Variants in VPS53 observed in about 807,000 individuals in gnomAD.
VPS53 encodes vacuolar protein sorting-associated protein 53 homolog.
A neutral mutation model predicts 107.0 loss-of-function variants in VPS53; 70 were observed. The ratio of observed to expected loss-of-function variants is 0.65; its 90% CI spans 0.54 to 0.80. The LOEUF (loss-of-function observed/expected upper bound fraction) is 0.80. Ranked by LOEUF, VPS53 falls within the 30% of genes least tolerant of loss-of-function variation. The pLI is 0.00. For missense variants in VPS53, 917 were observed against 1,049.4 expected (o/e 0.87, Z 1.74); for synonymous variants, 409 against 393.3 (o/e 1.04, Z -0.47).
At chr17:708,369 G>A (rs955207311) in intron 2 of VPS53, among the ~76,000 whole-genome samples, 30 of 152,172 alleles carry the variant, frequency 2.0e-4, no homozygotes, top group Admixed American at 1.1e-3. Context: ...GACAGCAGAC[G>A]TCAGCATTTT....
intron 4 of VPS53, among the ~76,000 whole-genome samples, chr17:695,127 G>A (rs754179720): frequency 3.4e-4 from 52 of 152,330 alleles, no homozygotes; most frequent in South Asian, 8.3e-4. Flanking sequence ...TCTCTGGTAA[G>A]TCAAGGGAGA....
chr17:706,909 C>T (rs531599386), intron 2 of VPS53, among the ~76,000 whole-genome samples: 77 of 152,282 alleles, frequency 5.1e-4, no homozygotes, highest in Middle Eastern at 3.4e-3. Flanking sequence ...TGTAGTCTCT[C>T]CCCACCTCCA....
At chr17:648,735 T>G (rs878962999) in intron 7 of VPS53, among the ~76,000 whole-genome samples, 2 of 142,896 alleles carry the variant, frequency 1.4e-5, no homozygotes, top group Non-Finnish European at 3.1e-5. Flanking sequence ...GCACTGAAGA[T>G]CTTACACTAT....
At chr17:534,473 G>T (rs1459770825) in intron 18 of VPS53, among the ~76,000 whole-genome samples, 1 of 152,200 alleles carries the variant, frequency 6.6e-6, no homozygotes, top group Non-Finnish European at 1.5e-5. Context: ...TCTGGAGGTG[G>T]CTTGTGATCA....
intron 3 of VPS53, 113 bp from the exon 4 acceptor site, chr17:697,597 T>C (rs928305508): frequency 2.3e-6 from 2 of 851,512 alleles, no homozygotes; most frequent in Admixed American, 4.5e-5. Flanking sequence ...TGCACCTAAT[T>C]GTCCAGAAAA....
Position 712,300 on chromosome 17 carries a change from C to A in VPS53, c.88-1687G>T, listed in dbSNP as rs1453801899. Among the ~76,000 whole-genome samples, 6 of 151,182 alleles carry A rather than the reference C, an allele frequency of 4.0e-5. No individual in the cohort carries two copies. The Admixed American group carries it at 4.0e-4, about 10-fold the overall frequency. ...GGTTCAAGCAGTTCTTTGCCTCAACCTCCCGAGTAGCTGAGATTACGGGCA... is the reference window on the plus strand; with the variant it reads ...GGTTCAAGCAGTTCTTTGCCTCAACATCCCGAGTAGCTGAGATTACGGGCA... On this transcript the variant is annotated intron_variant, in intron 1 of 21. Transcript: ENST00000437048.
At chr17:614,589 C>A (rs1407866656) in intron 11 of VPS53, among the ~76,000 whole-genome samples, 1 of 152,206 alleles carries the variant, frequency 6.6e-6, no homozygotes, top group Non-Finnish European at 1.5e-5. Context: ...GCGGGGGAAT[C>A]TGTCACTGTC....
chr17:683,095 G>T (rs929025474), intron 4 of VPS53, among the ~76,000 whole-genome samples: 20 of 152,026 alleles, frequency 1.3e-4, no homozygotes, highest in African/African-American at 4.8e-4. Flanking sequence ...TGGGTCAATA[G>T]AAAGTACCCA....
rs142042031 is a variant in VPS53, at chr17:553,388, C to T, written c.1779G>A (p.Thr593=). The T allele has an allele frequency of 1.1e-5, 17 of 1,613,910 alleles. No individual in the cohort carries two copies. In the African/African-American group the frequency reaches 1.2e-4, roughly 11 times the overall value. Residue 593 remains threonine (T), a synonymous_variant, in exon 16 of 22, where the codon ACG becomes ACA. Coordinates refer to ENST00000437048, the MANE Select transcript of VPS53 (RefSeq NM_001128159.3). The part of the protein sequence containing the change: ...ERINLTGEMD[T]FSTVISSSIQ... ...GTGTGCAGGGTACATACGTGCTGAA[C>T]GTGTCCATCTCTCCAGTCAGATTGA...
chr17:526,008 A>G (rs1274308617), intron 19 of VPS53, among the ~76,000 whole-genome samples: 1 of 151,752 alleles, frequency 6.6e-6, no homozygotes, highest in African/African-American at 2.4e-5. Flanking sequence ...AAAAAAAAAA[A>G]AAAAAAAAAA....
chr17:638,267 G>A (rs940548766), intron 7 of VPS53, among the ~76,000 whole-genome samples: 1 of 151,950 alleles, frequency 6.6e-6, no homozygotes, highest in African/African-American at 2.4e-5. Flanking sequence ...CCATTTGCTT[G>A]GTAGATCTTC....
rs1468928753 is a variant in VPS53 at position 511,775 on chromosome 17, A to G, written c.*7353T>C. 2 of 152,276 alleles carry G rather than the reference A, an allele frequency of 1.3e-5. No individual in the cohort carries two copies. Among genetic ancestry groups the G allele is most frequent in the African/African-American group, 4.8e-5 (2 of 41,452 alleles). 9.4% of individuals were successfully genotyped at this position (152,276 alleles called of 1,614,324 possible). ...AAGAAGAAGAAGAAAAAAGGCAAGA[A>G]TAAGTAAAAGGAAAAAAAAGAAAAA... On this transcript the variant is annotated 3_prime_UTR_variant, in exon 22 of 22. Coordinates refer to ENST00000437048, the MANE Select transcript of VPS53 (RefSeq NM_001128159.3).
chr17:611,704 C>G (rs549172944), intron 11 of VPS53, among the ~76,000 whole-genome samples: 2 of 152,348 alleles, frequency 1.3e-5, no homozygotes, highest in East Asian at 3.9e-4. Context: ...TGAGTTCACA[C>G]AGTGAAAACC....
At chr17:585,071 G>A (rs1373323697) in intron 13 of VPS53, among the ~76,000 whole-genome samples, 3 of 152,190 alleles carry the variant, frequency 2.0e-5, no homozygotes, top group African/African-American at 7.2e-5. Flanking sequence ...TTTGATGAGA[G>A]CAGGATATTT....
At chr17:652,331 T>C (rs965234957) in intron 7 of VPS53, among the ~76,000 whole-genome samples, 1 of 152,182 alleles carries the variant, frequency 6.6e-6, no homozygotes, top group African/African-American at 2.4e-5. Flanking sequence ...GCCACAGCAA[T>C]CTATCCCATC....
At chr17:536,897 T>C (rs1597259797) in intron 18 of VPS53, 131 bp downstream of exon 18, 5 of 1,172,576 alleles carry the variant, frequency 4.3e-6, no homozygotes, top group Non-Finnish European at 6.0e-6. Flanking sequence ...ACTGTGCATG[T>C]TGGGGGGGTC....
At position 714,736 on chromosome 17, in the gene VPS53, C is replaced by A. The variant is rs752592584; in HGVS notation, c.-27G>T. 2 of 1,612,758 alleles carry A rather than the reference C, an allele frequency of 1.2e-6. No homozygotes were observed. Among genetic ancestry groups the A allele is most frequent in the Admixed American group, 1.7e-5 (1 of 59,994 alleles). On this transcript the variant is annotated 5_prime_UTR_variant, in exon 1 of 22. Coordinates refer to ENST00000437048, the MANE Select transcript of VPS53 (RefSeq NM_001128159.3). ...CCGCCACCCGGCCCCCTGCCGACCC[C>A]CGCCGCGAGCCCAACTCAGGCCTCC...
intron 4 of VPS53, among the ~76,000 whole-genome samples, chr17:695,460 T>C (rs1597497369): frequency 6.6e-6 from 1 of 152,194 alleles, no homozygotes; most frequent in Non-Finnish European, 1.5e-5. Flanking sequence ...GGCATGCTCG[T>C]AGAGCACAAA....
chr17:705,953 C>A (rs1224922749), intron 2 of VPS53: 1 of 152,140 alleles, frequency 6.6e-6, no homozygotes, highest in African/African-American at 2.4e-5. Context: ...AACACCATTT[C>A]CTCAAGGGAG....
Sources: allele counts gnomAD v4.1 joint callset (sites outside exome capture counted in the v4.1 genomes callset), GRCh38; gene constraint gnomAD v4.1.1; transcripts MANE v1.5; gene names NCBI Gene and HGNC (gene_info 2026-07-23, HGNC 2026-07-21).